PCDHGA12: variants seen among roughly 807,000 people sequenced by gnomAD.
The protein encoded by PCDHGA12 is protocadherin gamma subfamily A, 12.
Under a neutral mutation model 61.1 loss-of-function variants are expected in PCDHGA12, and 43 were observed. The observed-to-expected ratio is 0.70, with a 90% CI of 0.55 to 0.91. PCDHGA12 has a LOEUF of 0.91. Ranked by LOEUF, PCDHGA12 falls within the 40% of genes least tolerant of loss-of-function variation. The pLI is 0.00. For missense variants in PCDHGA12, 1,236 were observed against 1,227.7 expected (o/e 1.01, Z -0.10); for synonymous variants, 520 against 542.9 (o/e 0.96, Z 0.59).
intron 1 of PCDHGA12, among the ~76,000 whole-genome samples, chr5:141,481,556 G>T (rs553126587): frequency 6.6e-6 from 1 of 152,148 alleles, no homozygotes; most frequent in African/African-American, 2.4e-5. Flanking sequence ...AGTGGCTCAC[G>T]CCTGTAATCC....
intron 1 of PCDHGA12, among the ~76,000 whole-genome samples, chr5:141,448,617 T>C (rs1318664360): frequency 2.0e-5 from 3 of 152,150 alleles, no homozygotes; most frequent in Non-Finnish European, 2.9e-5. Flanking sequence ...ACTTTATATC[T>C]TCCTTTCTTC....
At chr5:141,510,056 G>C (rs1450505898) in intron 3 of PCDHGA12, among the ~76,000 whole-genome samples, 2 of 152,174 alleles carry the variant, frequency 1.3e-5, no homozygotes. Flanking sequence ...AAGTGATTGT[G>C]CATGTGAAGC....
At position 141,431,542 on chromosome 5, in the gene PCDHGA12, G is replaced by C; in HGVS notation, c.783G>C (p.Leu261=). The change falls in exon 1 of 4, where the codon CTG becomes CTC. Residue 261 remains leucine, a synonymous_variant. Coordinates refer to ENST00000252085, the MANE Select transcript of PCDHGA12 (RefSeq NM_003735.3). The surrounding 1 kb of genome is among the most constrained non-coding windows in gnomAD (Gnocchi z 4.8). ...VPENLALGTQ[L]LVVNATDPDE... is the part of the protein sequence containing the mutation. ...AGAATCTGGCCTTGGGCACGCAGCT[G>C]CTTGTAGTCAACGCTACCGACCCTG... The C allele has an allele frequency of 1.9e-6, 3 of 1,614,124 alleles. No homozygotes were observed. The highest frequency in any genetic ancestry group is 1.1e-5 in the South Asian group (1 of 91,086).
chr5:141,475,749 A>G (rs1039777629), intron 1 of PCDHGA12, among the ~76,000 whole-genome samples: 13 of 152,278 alleles, frequency 8.5e-5, no homozygotes, highest in Admixed American at 6.5e-5. Context: ...TAGGTTTCCT[A>G]TGCACCGATA....
intron 1 of PCDHGA12, among the ~76,000 whole-genome samples, chr5:141,488,675 T>C (rs888235928): frequency 2.6e-5 from 4 of 152,116 alleles, no homozygotes; most frequent in Admixed American, 1.3e-4. Flanking sequence ...TACATGGGCT[T>C]TGCCTCTCCC....
chr5:141,502,679 T>C (rs943238781), intron 2 of PCDHGA12, among the ~76,000 whole-genome samples: 1 of 152,236 alleles, frequency 6.6e-6, no homozygotes, highest in Non-Finnish European at 1.5e-5. Flanking sequence ...TAGTATTCCC[T>C]GATGATCCTT....
intron 1 of PCDHGA12, among the ~76,000 whole-genome samples, chr5:141,461,906 C>A (rs2154567542): frequency 6.6e-6 from 1 of 152,270 alleles, no homozygotes; most frequent in South Asian, 2.1e-4. Context: ...TCACTGCAAC[C>A]TCTGCCTCCT....
At position 141,487,571 on chromosome 5, in the gene PCDHGA12, G is replaced by A; in HGVS notation, c.2425-7236G>A. The A allele has an allele frequency of 4.3e-6, 7 of 1,614,178 alleles. No individual in the cohort carries two copies. The highest frequency in any genetic ancestry group is 5.9e-6 in the Non-Finnish European group (7 of 1,180,038). On this transcript the variant is annotated intron_variant, in intron 1 of 3. Coordinates refer to ENST00000252085, the MANE Select transcript of PCDHGA12 (RefSeq NM_003735.3). This position sits in a 1 kb window ranked among gnomAD's most constrained non-coding sequence, Gnocchi z 5.0. ...CAGTGCACCTATGGCAGGGGAGCCTGTTCGCCCAAGCTGCCCACCCTCTGA... is the reference window on the plus strand; with the variant it reads ...CAGTGCACCTATGGCAGGGGAGCCTATTCGCCCAAGCTGCCCACCCTCTGA...
At chr5:141,503,598 C>CTAA (rs2099824827) in intron 2 of PCDHGA12, among the ~76,000 whole-genome samples, 2 of 65,752 alleles carry the variant, frequency 3.0e-5, no homozygotes, top group African/African-American at 9.3e-5. Flanking sequence ...GACTCCAGCT[C>CTAA]AAAAAAAAAA....
chr5:141,475,989 A>G, intron 1 of PCDHGA12: 1 of 1,130,622 alleles, frequency 8.8e-7, no homozygotes, highest in Non-Finnish European at 1.3e-6. Flanking sequence ...CCGGCGAGCA[A>G]ATCAACGGCA....
chr5:141,491,712 G>A lies in PCDHGA12; in HGVS notation c.2425-3095G>A, dbSNP rs932849130. On this transcript the variant is annotated intron_variant, in intron 1 of 3. Coordinates refer to ENST00000252085, the MANE Select transcript of PCDHGA12 (RefSeq NM_003735.3). The surrounding 1 kb of genome is among the most constrained non-coding windows in gnomAD (Gnocchi z 6.9). Reference sequence around the variant, plus strand: ...GGGAGCGGAGCCAGGTGAGGGGCTCGGCGCCGCCCCGGGCGACCCCTGGGG... The same window carrying A: ...GGGAGCGGAGCCAGGTGAGGGGCTCAGCGCCGCCCCGGGCGACCCCTGGGG... The A allele has an allele frequency of 1.2e-6, 2 of 1,609,290 alleles. No homozygotes were observed. Among genetic ancestry groups the A allele is most frequent in the East Asian group, 2.2e-5 (1 of 44,760 alleles).
intron 3 of PCDHGA12, 89 bp from the exon 4 acceptor site, chr5:141,510,858 T>C (rs992991460): frequency 5.8e-5 from 93 of 1,606,182 alleles, no homozygotes; most frequent in South Asian, 1.0e-4. Flanking sequence ...GGGTGCTGTA[T>C]AGGCATTCAT....
At chr5:141,466,107 G>T (rs1463944825) in intron 1 of PCDHGA12, among the ~76,000 whole-genome samples, 1 of 151,928 alleles carries the variant, frequency 6.6e-6, no homozygotes, top group East Asian at 1.9e-4. Flanking sequence ...GGGCAACAGA[G>T]TGAGACTCCA....
chr5:141,497,385 C>T (rs2154592097), intron 2 of PCDHGA12, among the ~76,000 whole-genome samples: 1 of 152,212 alleles, frequency 6.6e-6, no homozygotes, highest in African/African-American at 2.4e-5. Flanking sequence ...GGGGTGAGCA[C>T]CTTACCCCTG....
chr5:141,459,044 A>T (rs2098959649), intron 1 of PCDHGA12, among the ~76,000 whole-genome samples: 1 of 152,204 alleles, frequency 6.6e-6, no homozygotes, highest in Non-Finnish European at 1.5e-5. Flanking sequence ...TACCAGCTAT[A>T]TTGAAGTATA....
chr5:141,497,740 C>G (rs954595046), intron 2 of PCDHGA12, among the ~76,000 whole-genome samples: 9 of 152,054 alleles, frequency 5.9e-5, no homozygotes, highest in African/African-American at 2.2e-4. Context: ...GGTTTCGCCA[C>G]GTTGGCCAGG....
Position 141,486,092 on chromosome 5 carries a change from C to G in PCDHGA12, c.2425-8715C>G. ...TACTGGAAAGCTTACTCTTTTGGGG[C>G]CCCTAGACTTTGAGAGTGAGAATTA... On this transcript the variant is annotated intron_variant, in intron 1 of 3. Transcript: ENST00000252085. The surrounding 1 kb of genome is among the most constrained non-coding windows in gnomAD (Gnocchi z 5.0). The G allele has an allele frequency of 6.2e-7, 1 of 1,614,148 alleles. No individual in the cohort carries two copies. Among genetic ancestry groups the G allele is most frequent in the South Asian group, 1.1e-5 (1 of 91,080 alleles).
intron 1 of PCDHGA12, among the ~76,000 whole-genome samples, chr5:141,436,594 G>T (rs79477223): frequency 0.052 from 7,980 of 152,210 alleles, 223 homozygotes; most frequent in South Asian, 0.079. Flanking sequence ...AAAGGTCGTG[G>T]TGATGGCTAG....
intron 2 of PCDHGA12, among the ~76,000 whole-genome samples, chr5:141,498,436 A>G (rs566463876): frequency 6.6e-6 from 1 of 152,268 alleles, no homozygotes; most frequent in East Asian, 1.9e-4. Flanking sequence ...GGGGATGAAG[A>G]GGAGAGGTTC....
Sources: allele counts gnomAD v4.1 joint callset (sites outside exome capture counted in the v4.1 genomes callset), GRCh38; gene constraint gnomAD v4.1.1; non-coding constraint Gnocchi (gnomAD v3.1); transcripts MANE v1.5; gene names NCBI Gene and HGNC (gene_info 2026-07-23, HGNC 2026-07-21).